PTPRB: variants seen among roughly 807,000 people sequenced by gnomAD.
PTPRB encodes protein tyrosine phosphatase receptor type B.
In PTPRB, 97 loss-of-function variants were observed where a neutral mutation model predicts 238.1. The observed-to-expected ratio is 0.41, with a 90% CI of 0.35 to 0.48. The LOEUF (loss-of-function observed/expected upper bound fraction) is 0.48. Ranked by LOEUF, PTPRB falls within the 20% of genes least tolerant of loss-of-function variation. The pLI is 0.30. For missense variants in PTPRB, 2,292 were observed against 2,681.9 expected (o/e 0.85, Z 3.21); for synonymous variants, 970 against 995.4 (o/e 0.97, Z 0.48).
chr12:70,592,321 C>T lies in PTPRB; in HGVS notation c.1741G>A (p.Gly581Ser), dbSNP rs376676811. The change falls in exon 7 of 34, where the codon GGT becomes AGT. Residue 581 changes from glycine to serine, a missense_variant. Transcript: ENST00000334414. ...GCCATCTTCTGAGCAGACAGTTCAC[C>T]AGAGACACAGCTGACAGTAACTTGA... ...LYQVTVSCVS[G>S]ELSAQKMAVG... is the part of the protein sequence containing the mutation. The T allele has an allele frequency of 1.1e-5, 17 of 1,614,008 alleles. No homozygotes were observed. The South Asian group carries it at 1.8e-4, about 17-fold the overall frequency.
At position 70,594,725 on chromosome 12, in the gene PTPRB, C is replaced by G. The variant is rs1004717861; in HGVS notation, c.1259-1G>C. The G allele has an allele frequency of 6.2e-7, 1 of 1,613,762 alleles. No individual in the cohort carries two copies. The highest frequency in any genetic ancestry group is 1.3e-5 in the African/African-American group (1 of 75,034). On this transcript the variant is annotated splice_acceptor_variant, in intron 5 of 33. Coordinates refer to ENST00000334414, the MANE Select transcript of PTPRB (RefSeq NM_001109754.4). LOFTEE classifies it high-confidence loss of function. The stretch of plus-strand genomic sequence containing the variant: ...CCAATATCTTTCACTGGAGATGGCA[C>G]TAGTGGGATAAAATGCATGTCCAAA...
At chr12:70,570,318 G>C (rs1019900935) in intron 13 of PTPRB, among the ~76,000 whole-genome samples, 9 of 152,112 alleles carry the variant, frequency 5.9e-5, no homozygotes, top group African/African-American at 1.7e-4. Flanking sequence ...CCAGCCCATA[G>C]AGTTGTGAAG....
chr12:70,622,240 G>A, intron 3 of PTPRB, 150 bp downstream of exon 3: 1 of 1,167,576 alleles, frequency 8.6e-7, no homozygotes, highest in Non-Finnish European at 1.2e-6. Context: ...TATGTAAAAT[G>A]CTTTCCTGTA....
intron 14 of PTPRB, among the ~76,000 whole-genome samples, chr12:70,567,934 A>C (rs1879518617): frequency 6.6e-6 from 1 of 151,802 alleles, no homozygotes; most frequent in African/African-American, 2.4e-5. Flanking sequence ...TAGGCTATCC[A>C]CTCACCTCAG....
In PTPRB at chr12:70,635,866, G is replaced by T. The variant is rs780920131; in HGVS notation, c.256C>A (p.Arg86Ser). 1.2e-6 allele frequency: 2 copies of T among 1,613,702 alleles called. No individual in the cohort carries two copies. Among genetic ancestry groups the T allele is most frequent in the East Asian group, 2.2e-5 (1 of 44,844 alleles). ...RGPSRSAILD[R>S]CSQAPRWTCY... Reference sequence around the variant, plus strand: ...GTCCATCGGGGTGCCTGGGAACAGCGGTCCAAGATGGCTGAGCGGGAGGGG... The same window carrying T: ...GTCCATCGGGGTGCCTGGGAACAGCTGTCCAAGATGGCTGAGCGGGAGGGG... The change falls in exon 2 of 34, where the codon CGC becomes AGC. Residue 86 changes from arginine (R) to serine (S), a missense_variant. This residue lies in a region of PTPRB where 1,205 missense variants were observed against 1,287.8 expected (regional missense o/e 0.94). Transcript: ENST00000334414.
chr12:70,563,286 C>A (rs544379230), intron 15 of PTPRB, among the ~76,000 whole-genome samples, 179 bp from the exon 16 acceptor site: 1 of 152,172 alleles, frequency 6.6e-6, no homozygotes, highest in Non-Finnish European at 1.5e-5. Flanking sequence ...ATTTTGCAAA[C>A]CCTTTTGGAC....
Position 70,518,007 on chromosome 12 carries a change from G to A in PTPRB, c.*3482C>T, listed in dbSNP as rs1194733296. 6.6e-6 allele frequency: 1 copy of A among 152,128 alleles called. No individual in the cohort carries two copies. Among genetic ancestry groups the A allele is most frequent in the East Asian group, 1.9e-4 (1 of 5,196 alleles). 9.4% of individuals were successfully genotyped at this position (152,128 alleles called of 1,614,324 possible). A position where few individuals can be genotyped will look rare whatever the true frequency, so the allele number is the denominator to read the frequency against. ...TCTATTTTTATATTGCTGGACATCT[G>A]GTAAATGGTTTAATATTATTTTCAC... On this transcript the variant is annotated 3_prime_UTR_variant, in exon 34 of 34. Coordinates refer to ENST00000334414, the MANE Select transcript of PTPRB (RefSeq NM_001109754.4).
At chr12:70,527,927 C>T (rs563772548) in intron 32 of PTPRB, among the ~76,000 whole-genome samples, 1 of 152,312 alleles carries the variant, frequency 6.6e-6, no homozygotes, top group Admixed American at 6.5e-5. Context: ...AACTCAACTT[C>T]AGCAGAGGCT....
At chr12:70,589,037 G>A (rs1882221485) in intron 8 of PTPRB, among the ~76,000 whole-genome samples, 2 of 152,182 alleles carry the variant, frequency 1.3e-5, no homozygotes, top group Non-Finnish European at 2.9e-5. Flanking sequence ...CTAATGTTCT[G>A]TGATCTTCCA....
intron 2 of PTPRB, among the ~76,000 whole-genome samples, chr12:70,628,356 T>C (rs951380084): frequency 1.3e-5 from 2 of 152,212 alleles, no homozygotes; most frequent in African/African-American, 4.8e-5. Context: ...GACAATTGAC[T>C]AGCTTTTTAT....
At position 70,571,842 on chromosome 12, in the gene PTPRB, G is replaced by A; in HGVS notation, c.3088C>T (p.Gln1030Ter). 1 of 1,613,300 alleles carries A rather than the reference G, an allele frequency of 6.2e-7. No individual in the cohort carries two copies. The highest frequency in any genetic ancestry group is 2.2e-5 in the East Asian group (1 of 44,874). The change falls in exon 12 of 34, where the codon CAA (glutamine) becomes TAA (stop). Residue 1030 changes from glutamine (Q) to a stop codon, truncating the protein, a stop_gained. Coordinates refer to ENST00000334414, the MANE Select transcript of PTPRB (RefSeq NM_001109754.4). LOFTEE classifies it high-confidence loss of function. ...TKSGQYEANE[Q>*]GNGRTIPEPV... Reference sequence around the variant, plus strand: ...CACTTACTTGTTCTCCCATTCCCTTGTTCATTGGCTTCATATTGTCCACTT... The same window carrying A: ...CACTTACTTGTTCTCCCATTCCCTTATTCATTGGCTTCATATTGTCCACTT...
intron 15 of PTPRB, among the ~76,000 whole-genome samples, chr12:70,565,243 T>G (rs977334866): frequency 6.6e-6 from 1 of 152,224 alleles, no homozygotes; most frequent in Middle Eastern, 3.2e-3. Context: ...ACTCTCTGGC[T>G]AAAAGTTTTG....
intron 18 of PTPRB, chr12:70,558,681 ATTCTC>A (rs1275362999): frequency 6.5e-6 from 1 of 154,408 alleles, no homozygotes; most frequent in Non-Finnish European, 1.5e-5. Context: ...CTTTCAATCT[ATTCTC>A]TACACTGTAC....
chr12:70,623,231 G>C lies in PTPRB; in HGVS notation c.452-585C>G, dbSNP rs114808027. Among the ~76,000 whole-genome samples the C allele has an allele frequency of 1.9e-3, 289 of 152,250 alleles. 3 individuals carry two copies. Among genetic ancestry groups the C allele is most frequent in the African/African-American group, 6.7e-3 (279 of 41,546 alleles). On this transcript the variant is annotated intron_variant, in intron 2 of 33. Coordinates refer to ENST00000334414, the MANE Select transcript of PTPRB (RefSeq NM_001109754.4). ...CAACTGTATGAGTTACAAATGATGA[G>C]ACTGTTGTATTTTCTAAGCTATCTA...
intron 32 of PTPRB, chr12:70,525,467 C>G (rs555059876): frequency 9.8e-5 from 15 of 152,368 alleles, no homozygotes; most frequent in African/African-American, 3.6e-4. Flanking sequence ...GCATCTGGGT[C>G]TGCCACGTGG....
intron 5 of PTPRB, among the ~76,000 whole-genome samples, chr12:70,594,961 G>A (rs1364638591): frequency 6.6e-6 from 1 of 152,094 alleles, no homozygotes; most frequent in African/African-American, 2.4e-5. Flanking sequence ...CCACTTAATA[G>A]GTATTAAGGT....
intron 18 of PTPRB, among the ~76,000 whole-genome samples, chr12:70,556,885 G>A (rs1877765604): frequency 6.6e-6 from 1 of 152,240 alleles, no homozygotes; most frequent in African/African-American, 2.4e-5. Context: ...AGAGAAACAA[G>A]TACCTACTAT....
At chr12:70,597,210 C>G (rs1189292994) in intron 4 of PTPRB, among the ~76,000 whole-genome samples, 1 of 152,164 alleles carries the variant, frequency 6.6e-6, no homozygotes, top group East Asian at 1.9e-4. Context: ...GCATGAGCCA[C>G]CGCATCTGGC....
At chr12:70,620,684 A>G (rs1197628459) in intron 3 of PTPRB, among the ~76,000 whole-genome samples, 6 of 152,208 alleles carry the variant, frequency 3.9e-5, no homozygotes, top group Admixed American at 3.3e-4. Flanking sequence ...TCAGCCATGA[A>G]AAAGAATGAA....
Sources: allele counts gnomAD v4.1 joint callset (sites outside exome capture counted in the v4.1 genomes callset), GRCh38; gene constraint gnomAD v4.1.1; regional missense constraint gnomAD v4.1.1; transcripts MANE v1.5; gene names NCBI Gene and HGNC (gene_info 2026-07-23, HGNC 2026-07-21).